The following LRP1B variants were observed in gnomAD, a reference collection of about 807,000 sequenced individuals.
LRP1B encodes the protein low-density lipoprotein receptor-related protein 1B.
A neutral mutation model predicts 556.6 loss-of-function variants in LRP1B; 217 were observed. The observed-to-expected ratio is 0.39, with a 90% CI of 0.35 to 0.44. LRP1B has a LOEUF of 0.44. LRP1B is among the 20% of genes least tolerant of loss of function. The pLI is 1.00. For missense variants in LRP1B, 5,053 were observed against 5,620.8 expected, an observed-to-expected ratio of 0.90 and a Z score of 3.23; for synonymous variants, 2,047 against 1,865.8, an observed-to-expected ratio of 1.10 and a Z score of -2.50.
At chr2:141,041,995 C>G (rs1248038431) in intron 11 of LRP1B, among the ~76,000 whole-genome samples, 1 of 151,960 alleles carries the variant, frequency 6.6e-6, no homozygotes. Flanking sequence ...GGATGAGGAC[C>G]TAGATATTAT....
chr2:141,489,273 C>T (rs1392845170), intron 2 of LRP1B, among the ~76,000 whole-genome samples: 1 of 151,188 alleles, frequency 6.6e-6, no homozygotes, highest in Non-Finnish European at 1.5e-5. Context: ...CAGGCATGAG[C>T]CACTACACCT....
In LRP1B at chr2:140,814,198, G is replaced by A. The variant is rs1691026806; in HGVS notation, c.5210-392C>T. On this transcript the variant is annotated intron_variant, in intron 31 of 90. Transcript: ENST00000389484. ...TCACTATTTTGCTCAGGCTGGTCTT[G>A]AACTCCTGGGCTCAAGCGATCCTGT... Among the ~76,000 whole-genome samples the A allele has an allele frequency of 2.0e-5, 3 of 152,014 alleles. No homozygotes were observed. In the South Asian group the frequency reaches 6.2e-4, roughly 32 times the overall value.
At chr2:140,978,411 T>A (rs1184312935) in intron 18 of LRP1B, among the ~76,000 whole-genome samples, 1 of 152,108 alleles carries the variant, frequency 6.6e-6, no homozygotes, top group African/African-American at 2.4e-5. Flanking sequence ...TTCATGAAGC[T>A]GAAATGTAAA....
At chr2:140,465,099 G>A (rs370038848) in intron 60 of LRP1B, among the ~76,000 whole-genome samples, 21 of 152,170 alleles carry the variant, frequency 1.4e-4, no homozygotes, top group East Asian at 7.7e-4. Flanking sequence ...TCATCTGTTA[G>A]GCCTCTAGGG....
intron 66 of LRP1B, among the ~76,000 whole-genome samples, chr2:140,403,624 G>A (rs1684602239): frequency 6.6e-6 from 1 of 152,094 alleles, no homozygotes; most frequent in Admixed American, 6.5e-5. Context: ...GAATTATGGG[G>A]TTGTGTAAAA....
chr2:142,127,603 T>G (rs1287776949), intron 1 of LRP1B, among the ~76,000 whole-genome samples: 1 of 152,008 alleles, frequency 6.6e-6, no homozygotes. Context: ...ATTCAAAGAT[T>G]AGCAACCTCT....
chr2:140,264,680 CAAA>C (rs11324295), intron 86 of LRP1B, among the ~76,000 whole-genome samples: 1 of 150,504 alleles, frequency 6.6e-6, no homozygotes, highest in African/African-American at 2.4e-5. Context: ...CATAAAATGA[CAAA>C]AAAAAAAATT....
At chr2:141,082,278 T>C (rs1226974505) in intron 7 of LRP1B, among the ~76,000 whole-genome samples, 1 of 152,198 alleles carries the variant, frequency 6.6e-6, no homozygotes, top group East Asian at 1.9e-4. Context: ...AGGCCATAGC[T>C]TGGCAGACAA....
intron 3 of LRP1B, among the ~76,000 whole-genome samples, chr2:141,412,909 C>G (rs1213520494): frequency 6.6e-6 from 1 of 151,890 alleles, no homozygotes; most frequent in Admixed American, 6.6e-5. Flanking sequence ...CCTTATATGA[C>G]AAAGAAGACT....
chr2:140,660,871 G>GTT (rs11303525), intron 41 of LRP1B, among the ~76,000 whole-genome samples: 5,738 of 142,852 alleles, frequency 0.04, 155 homozygotes, highest in Admixed American at 0.068. Flanking sequence ...GTCTTTTTGT[G>GTT]TTTTTTTTTT....
chr2:140,528,437 TA>T (rs1203677546), intron 47 of LRP1B, among the ~76,000 whole-genome samples: 1 of 151,806 alleles, frequency 6.6e-6, no homozygotes, highest in Non-Finnish European at 1.5e-5. Flanking sequence ...AGGAAATAGA[TA>T]AAGGAAGAAG....
intron 35 of LRP1B, among the ~76,000 whole-genome samples, chr2:140,747,897 A>G (rs1161675529): frequency 6.6e-6 from 1 of 151,620 alleles, no homozygotes; most frequent in African/African-American, 2.4e-5. Context: ...CAGGGGTTAT[A>G]TGTGATTGCA....
intron 7 of LRP1B, among the ~76,000 whole-genome samples, chr2:141,127,061 C>G (rs572439111): frequency 2.6e-5 from 4 of 151,880 alleles, no homozygotes; most frequent in African/African-American, 9.7e-5. Flanking sequence ...TCCCTGTGTC[C>G]ATGTGTTCTC....
At chr2:140,504,660 C>T (rs192901309) in intron 53 of LRP1B, among the ~76,000 whole-genome samples, 1 of 152,244 alleles carries the variant, frequency 6.6e-6, no homozygotes, top group East Asian at 1.9e-4. Context: ...TAACCCTTAA[C>T]CTCTTGTATC....
chr2:141,691,524 T>C (rs531443769), intron 2 of LRP1B, among the ~76,000 whole-genome samples: 78 of 131,724 alleles, frequency 5.9e-4, no homozygotes, highest in Middle Eastern at 8.3e-3. Flanking sequence ...AGGTCTGCCA[T>C]AGAATAACAG....
At chr2:141,984,495 T>C (rs1194526121) in intron 1 of LRP1B, among the ~76,000 whole-genome samples, 1 of 152,028 alleles carries the variant, frequency 6.6e-6, no homozygotes, top group Non-Finnish European at 1.5e-5. Flanking sequence ...TAAATATATA[T>C]AGAAGGTATG....
chr2:140,894,869 G>A lies in LRP1B; in HGVS notation c.3766+8051C>T, dbSNP rs563175191. ...GAAGGACGAGAATCACTTGAACCTG[G>A]GAGGCAGAGGTTGTAGTGAGACAAA... On this transcript the variant is annotated intron_variant, in intron 23 of 90. Transcript: ENST00000389484. Among the ~76,000 whole-genome samples the A allele has an allele frequency of 2.0e-5, 3 of 152,002 alleles. No individual in the cohort carries two copies. In the East Asian group the frequency reaches 5.8e-4, roughly 30 times the overall value.
At chr2:140,726,127 T>C (rs1687584997) in intron 35 of LRP1B, among the ~76,000 whole-genome samples, 2 of 152,128 alleles carry the variant, frequency 1.3e-5, no homozygotes. Context: ...AATAATCTTG[T>C]GAAGGAGATT....
chr2:140,635,644 T>A (rs2105286650), intron 41 of LRP1B, among the ~76,000 whole-genome samples: 1 of 152,004 alleles, frequency 6.6e-6, no homozygotes, highest in East Asian at 1.9e-4. Flanking sequence ...TACTCTGAGT[T>A]TTATGTCCTA....
Sources: allele counts gnomAD v4.1 joint callset (sites outside exome capture counted in the v4.1 genomes callset), GRCh38; gene constraint gnomAD v4.1.1; transcripts MANE v1.5; gene names NCBI Gene and HGNC (gene_info 2026-07-23, HGNC 2026-07-21).